The following KCNIP4 variants were observed in gnomAD, a reference collection of about 807,000 sequenced individuals.
KCNIP4 encodes the protein potassium voltage-gated channel interacting protein 4, also known as Kv channel-interacting protein 4.
Under a neutral mutation model 34.0 loss-of-function variants are expected in KCNIP4, and 12 were observed. The ratio of observed to expected loss-of-function variants is 0.35; its 90% confidence interval spans 0.23 to 0.57. The LOEUF (loss-of-function observed/expected upper bound fraction) is 0.57, where lower values mean the gene tolerates loss of function less well. KCNIP4 is among the 20% of genes least tolerant of loss of function. KCNIP4 has a pLI of 0.83. For missense variants in KCNIP4, 238 were observed against 311.7 expected, an observed-to-expected ratio of 0.76 and a Z score of 1.78; for synonymous variants, 124 against 102.2, an observed-to-expected ratio of 1.21 and a Z score of -1.29.
At chr4:21,556,930 A>AAAACAAAAAAAAAAAAAAAC (rs1739094153) in intron 1 of KCNIP4, among the ~76,000 whole-genome samples, 2 of 108,194 alleles carry the variant, frequency 1.8e-5, no homozygotes, top group African/African-American at 3.2e-5. Context: ...CAGAAAAAAA[A>AAAACAAAAAAAAAAAAAAAC]AAAAAAAAAA....
At chr4:21,190,072 T>C (rs1755513213) in intron 1 of KCNIP4, among the ~76,000 whole-genome samples, 2 of 152,232 alleles carry the variant, frequency 1.3e-5, no homozygotes, top group African/African-American at 4.8e-5. Flanking sequence ...AAAATTTCTG[T>C]GGGAGTGTTG....
At chr4:20,795,971 C>T (rs190298822) in intron 3 of KCNIP4, among the ~76,000 whole-genome samples, 5 of 152,222 alleles carry the variant, frequency 3.3e-5, no homozygotes, top group Non-Finnish European at 5.9e-5. Flanking sequence ...CACACACACA[C>T]GTCAATTATA....
chr4:20,741,229 C>G (rs888764526), intron 5 of KCNIP4, among the ~76,000 whole-genome samples: 6 of 152,204 alleles, frequency 3.9e-5, no homozygotes, highest in African/African-American at 1.4e-4. Flanking sequence ...ACCTAATAGA[C>G]ATCTACAGAA....
At chr4:21,302,780 T>A (rs1041033152) in intron 1 of KCNIP4, among the ~76,000 whole-genome samples, 2 of 152,100 alleles carry the variant, frequency 1.3e-5, no homozygotes, top group African/African-American at 4.8e-5. Context: ...ACACTTATTT[T>A]AATTTGATGT....
At chr4:21,586,700 T>G in intron 1 of KCNIP4, among the ~76,000 whole-genome samples, 1 of 152,062 alleles carries the variant, frequency 6.6e-6, no homozygotes, top group East Asian at 1.9e-4. Flanking sequence ...TAGTCACTTG[T>G]CAAAATTTGT....
intron 1 of KCNIP4, among the ~76,000 whole-genome samples, chr4:20,978,708 T>A (rs1172207574): frequency 6.6e-6 from 1 of 152,208 alleles, no homozygotes. Context: ...TCATCTCCTC[T>A]ACTTGGACTT....
At chr4:21,616,676 C>T (rs114531579) in intron 1 of KCNIP4, among the ~76,000 whole-genome samples, 71 of 152,240 alleles carry the variant, frequency 4.7e-4, no homozygotes, top group African/African-American at 1.6e-3. Flanking sequence ...AGATTTTTCT[C>T]GGCTTGTAGT....
chr4:21,771,109 G>C (rs938174813), intron 1 of KCNIP4, among the ~76,000 whole-genome samples: 3 of 152,036 alleles, frequency 2.0e-5, no homozygotes, highest in Admixed American at 1.3e-4. Flanking sequence ...ATCTTGAGTT[G>C]ATTTTTGTAC....
At chr4:21,153,706 GA>G (rs1389474328) in intron 1 of KCNIP4, among the ~76,000 whole-genome samples, 3 of 151,788 alleles carry the variant, frequency 2.0e-5, no homozygotes, top group African/African-American at 7.3e-5. Context: ...GGAATTCTGG[GA>G]AAACCCCAGA....
At chr4:21,239,812 G>T (rs1243675138) in intron 1 of KCNIP4, among the ~76,000 whole-genome samples, 1 of 152,182 alleles carries the variant, frequency 6.6e-6, no homozygotes, top group Non-Finnish European at 1.5e-5. Context: ...GGAAGACAGT[G>T]TGGTGATTCC....
At chr4:21,889,019 C>T (rs951023759) in intron 1 of KCNIP4, among the ~76,000 whole-genome samples, 2 of 152,132 alleles carry the variant, frequency 1.3e-5, no homozygotes, top group African/African-American at 2.4e-5. Context: ...GAACACACTA[C>T]TTTTTCACTA....
At chr4:21,439,117 G>A (rs935577845) in intron 1 of KCNIP4, among the ~76,000 whole-genome samples, 9 of 148,976 alleles carry the variant, frequency 6.0e-5, no homozygotes, top group Admixed American at 2.0e-4. Context: ...AGCCGACATC[G>A]CGCCACTGCA....
intron 2 of KCNIP4, among the ~76,000 whole-genome samples, chr4:20,851,580 C>T (rs1721027038): frequency 6.6e-6 from 1 of 151,922 alleles, no homozygotes; most frequent in South Asian, 2.1e-4. Context: ...AATGGTATTT[C>T]TGCCTCTAGG....
intron 5 of KCNIP4, among the ~76,000 whole-genome samples, chr4:20,735,071 T>A (rs1749261439): frequency 1.3e-5 from 2 of 152,106 alleles, no homozygotes; most frequent in Non-Finnish European, 1.5e-5. Context: ...TAATAATAGT[T>A]TTTTCAAAAA....
chr4:21,348,737 T>C (rs1013946223), intron 1 of KCNIP4, among the ~76,000 whole-genome samples: 4 of 152,212 alleles, frequency 2.6e-5, no homozygotes, highest in Non-Finnish European at 2.9e-5. Context: ...CATTACACAT[T>C]TATTGAGTTA....
intron 1 of KCNIP4, among the ~76,000 whole-genome samples, chr4:21,489,445 AG>A (rs1164130551): frequency 6.6e-6 from 1 of 152,110 alleles, no homozygotes; most frequent in Non-Finnish European, 1.5e-5. Flanking sequence ...CTGCAATCAT[AG>A]GTAATTCAGT....
chr4:21,413,919 A>G (rs1017205392), intron 1 of KCNIP4, among the ~76,000 whole-genome samples: 8 of 152,198 alleles, frequency 5.3e-5, no homozygotes, highest in Non-Finnish European at 1.0e-4. Context: ...ATTACACTCC[A>G]AGTCCTTCTG....
At position 21,652,751 on chromosome 4, in the gene KCNIP4, G is replaced by C. The variant is rs184480452; in HGVS notation, c.61+295820C>G. 3.9e-5 allele frequency among the ~76,000 whole-genome samples: 6 copies of C among 152,216 alleles called. No homozygotes were observed. The East Asian group carries it at 1.2e-3, about 29-fold the overall frequency. Reference sequence around the variant, plus strand: ...AAAGATCACCAAAGAGATCACCAAAGAATACAGTTAATCCATATTAATGTC... The same window carrying C: ...AAAGATCACCAAAGAGATCACCAAACAATACAGTTAATCCATATTAATGTC... On this transcript the variant is annotated intron_variant, in intron 1 of 8. Transcript: ENST00000382152.
chr4:21,550,398 TC>T (rs1171654386), intron 1 of KCNIP4, among the ~76,000 whole-genome samples: 5 of 152,098 alleles, frequency 3.3e-5, no homozygotes, highest in Non-Finnish European at 7.4e-5. Flanking sequence ...TTCACCGAAG[TC>T]CCCATGGTCA....
Sources: allele counts gnomAD v4.1 joint callset (sites outside exome capture counted in the v4.1 genomes callset), GRCh38; gene constraint gnomAD v4.1.1; transcripts MANE v1.5; gene names NCBI Gene and HGNC (gene_info 2026-07-23, HGNC 2026-07-21).